Variants in GRIP1 observed in about 807,000 individuals in gnomAD.
The protein encoded by GRIP1 is glutamate receptor-interacting protein 1.
GRIP1 carries 45 observed loss-of-function variants against 129.9 expected under a neutral mutation model. That is an observed-to-expected ratio of 0.35 (90% confidence interval 0.27 to 0.44). The LOEUF (loss-of-function observed/expected upper bound fraction) is 0.44, where lower values mean the gene tolerates loss of function less well. GRIP1 is among the 20% of genes least tolerant of loss of function. The pLI is 1.00. For missense variants in GRIP1, 1,196 were observed against 1,396.8 expected (o/e 0.86, Z 2.29); for synonymous variants, 530 against 520.8 (o/e 1.02, Z -0.24).
intron 7 of GRIP1, among the ~76,000 whole-genome samples, chr12:66,469,721 G>A (rs916059544): frequency 1.3e-5 from 2 of 152,164 alleles, no homozygotes; most frequent in African/African-American, 2.4e-5. Context: ...CAGAACATGA[G>A]CTCAGTCTTG....
chr12:66,488,390 A>T (rs2060013100), intron 7 of GRIP1, among the ~76,000 whole-genome samples: 2 of 152,332 alleles, frequency 1.3e-5, no homozygotes, highest in South Asian at 4.1e-4. Context: ...TATATAATGA[A>T]ATTGAGGCAG....
At chr12:66,504,889 T>C (rs560195068) in intron 7 of GRIP1, among the ~76,000 whole-genome samples, 2 of 152,302 alleles carry the variant, frequency 1.3e-5, no homozygotes, top group East Asian at 1.9e-4. Context: ...TTGCTAGGCA[T>C]TGGAGTTGCT....
intron 1 of GRIP1, among the ~76,000 whole-genome samples, chr12:67,039,474 A>G (rs1337499386): frequency 6.6e-6 from 1 of 152,184 alleles, no homozygotes; most frequent in Admixed American, 6.5e-5. Flanking sequence ...TTTGGTTCTA[A>G]CACTGGAAAT....
At chr12:66,994,130 G>C (rs1342345888) in intron 1 of GRIP1, among the ~76,000 whole-genome samples, 5 of 151,498 alleles carry the variant, frequency 3.3e-5, no homozygotes, top group African/African-American at 1.2e-4. Context: ...GAATAGCAAA[G>C]GAAGGAACAC....
At chr12:66,437,920 A>T (rs1225253621) in intron 13 of GRIP1, among the ~76,000 whole-genome samples, 2 of 152,204 alleles carry the variant, frequency 1.3e-5, no homozygotes, top group Non-Finnish European at 1.5e-5. Flanking sequence ...AAGTCAACCG[A>T]CCTAGGTCTA....
intron 1 of GRIP1, among the ~76,000 whole-genome samples, chr12:67,026,501 G>A (rs75533316): frequency 5.9e-5 from 9 of 152,174 alleles, no homozygotes; most frequent in East Asian, 3.8e-4. Flanking sequence ...GTTAAAACAC[G>A]TAGGCCCTTA....
At chr12:66,829,282 G>A (rs1007263393) in intron 1 of GRIP1, among the ~76,000 whole-genome samples, 14 of 152,120 alleles carry the variant, frequency 9.2e-5, no homozygotes, top group African/African-American at 3.1e-4. Context: ...AGACTGGAGT[G>A]ACATGGCCAC....
At chr12:67,055,677 G>T (rs2043422995) in intron 1 of GRIP1, among the ~76,000 whole-genome samples, 1 of 152,134 alleles carries the variant, frequency 6.6e-6, no homozygotes, top group Admixed American at 6.5e-5. Context: ...TCCTTTAGTG[G>T]CCTCTGAAAA....
intron 17 of GRIP1, among the ~76,000 whole-genome samples, chr12:66,393,307 T>G (rs1279607092): frequency 2.0e-5 from 3 of 150,436 alleles, no homozygotes; most frequent in Non-Finnish European, 4.4e-5. Flanking sequence ...GCCTCCCAAG[T>G]AGCTGGGATT....
chr12:66,942,745 T>C (rs777029599), intron 1 of GRIP1, among the ~76,000 whole-genome samples: 1 of 152,152 alleles, frequency 6.6e-6, no homozygotes, highest in Non-Finnish European at 1.5e-5. Flanking sequence ...TCAAAATTTA[T>C]ATGTTGAAAT....
At position 66,707,571 on chromosome 12, in the gene GRIP1, C is replaced by T. The variant is rs1004400955; in HGVS notation, c.-419-77235G>A. Among the ~76,000 whole-genome samples, 4 of 150,086 alleles carry T rather than the reference C, an allele frequency of 2.7e-5. No homozygotes were observed. The East Asian group carries it at 7.8e-4, about 29-fold the overall frequency. ...TGGGCTATTTAGAGACGCTTAATGTCCTTGGTCTCTCCTAGCACTTCAAGT... is the reference window on the plus strand; with the variant it reads ...TGGGCTATTTAGAGACGCTTAATGTTCTTGGTCTCTCCTAGCACTTCAAGT... On this transcript the variant is annotated intron_variant, in intron 1 of 4. Coordinates refer to the GRIP1 transcript ENST00000538373.
intron 1 of GRIP1, among the ~76,000 whole-genome samples, chr12:67,067,970 C>A (rs1460195079): frequency 6.6e-6 from 1 of 152,126 alleles, no homozygotes; most frequent in Non-Finnish European, 1.5e-5. Flanking sequence ...TTCCAAAGCA[C>A]CTTCCTCGAA....
chr12:66,529,640 G>T (rs1358042816), intron 5 of GRIP1, among the ~76,000 whole-genome samples, 191 bp downstream of exon 5: 2 of 152,156 alleles, frequency 1.3e-5, no homozygotes, highest in Admixed American at 1.3e-4. Context: ...TCGGGGAAAG[G>T]GGGAGGGGGC....
rs771683870 is a variant in GRIP1 at position 66,462,950 on chromosome 12, C to A, written c.1016G>T (p.Arg339Leu). 2 of 1,613,894 alleles carry A rather than the reference C, an allele frequency of 1.2e-6. No homozygotes were observed. Among genetic ancestry groups the A allele is most frequent in the South Asian group, 2.2e-5 (2 of 91,022 alleles). The stretch of plus-strand genomic sequence containing the variant: ...ATGGTCGGGCCCCTTTAGGGCCAGC[C>A]GGGTCTGATGATGGGGAAGGATCTC... ...KLEILPHHQT[R>L]LALKGPDHVK... The change falls in exon 9 of 25, where the codon CGG (arginine) becomes CTG (leucine). Residue 339 changes from arginine to leucine, a missense_variant. By Grantham distance (102) the Arg-to-Leu change is moderately radical (BLOSUM62 -2). This residue lies in a region of GRIP1 where 508 missense variants were observed against 587.0 expected (regional missense o/e 0.87). Coordinates refer to ENST00000359742, the MANE Select transcript of GRIP1 (RefSeq NM_001366722.1).
chr12:66,569,134 A>G (rs2139481050), intron 2 of GRIP1: 1 of 227,420 alleles, frequency 4.4e-6, no homozygotes, highest in South Asian at 5.3e-5. Context: ...TTATCTTTGC[A>G]GTTTTGAAGC....
At chr12:67,003,794 A>T (rs527488367) in intron 1 of GRIP1, among the ~76,000 whole-genome samples, 31 of 152,346 alleles carry the variant, frequency 2.0e-4, no homozygotes, top group African/African-American at 7.0e-4. Flanking sequence ...TGAAATTATC[A>T]AAAGAAAGAA....
intron 1 of GRIP1, among the ~76,000 whole-genome samples, chr12:66,891,222 A>C (rs755703517): frequency 2.6e-5 from 4 of 152,170 alleles, no homozygotes; most frequent in Non-Finnish European, 5.9e-5. Context: ...CATTTTGGAG[A>C]TAATGTCAAG....
At chr12:66,851,773 T>C (rs1358678654) in intron 1 of GRIP1, among the ~76,000 whole-genome samples, 1 of 152,122 alleles carries the variant, frequency 6.6e-6, no homozygotes, top group South Asian at 2.1e-4. Flanking sequence ...GGATCTTGGA[T>C]CCTCATTTCT....
rs535980950 is a variant in GRIP1, at chr12:66,466,641, A to G, written c.725-1219T>C. Among the ~76,000 whole-genome samples, 20 of 152,326 alleles carry G rather than the reference A, an allele frequency of 1.3e-4. No homozygotes were observed. In the South Asian group the frequency reaches 3.5e-3, roughly 27 times the overall value. On this transcript the variant is annotated intron_variant, in intron 7 of 24. Transcript: ENST00000359742. ...TCTAAGCCTGCTTGCTTACCTATAC[A>G]ATGGTATCTTTTCCACAGTGTTTAT...
Sources: gnomAD v4.1 joint callset for allele counts (sites outside exome capture counted in the v4.1 genomes callset) on GRCh38, gnomAD v4.1.1 for gene constraint, gnomAD v4.1.1 regional missense constraint, MANE v1.5 for transcripts, NCBI Gene and HGNC (gene_info 2026-07-23, HGNC 2026-07-21) for gene names.